Variants in DOP1B observed in about 807,000 individuals in gnomAD.
DOP1B encodes protein DOP1B.
A neutral mutation model predicts 233.5 loss-of-function variants in DOP1B; 174 were observed. That is an observed-to-expected ratio of 0.75 (90% CI 0.66 to 0.85). The LOEUF (loss-of-function observed/expected upper bound fraction) is 0.85, where lower values mean the gene tolerates loss of function less well. DOP1B is among the 40% of genes least tolerant of loss of function. The pLI, the probability that DOP1B is intolerant of heterozygous loss-of-function variation, is 0.00. For synonymous variants in DOP1B, 1,190 were observed against 1,185.6 expected, an observed-to-expected ratio of 1.00 and a Z score of -0.08; for missense variants, 2,652 against 2,846.6, an observed-to-expected ratio of 0.93 and a Z score of 1.56.
At chr21:36,284,727 A>G (rs1227298258) in intron 32 of DOP1B, among the ~76,000 whole-genome samples, 2 of 152,064 alleles carry the variant, frequency 1.3e-5, no homozygotes, top group Non-Finnish European at 2.9e-5. Context: ...ACCATGGTAG[A>G]GTTTAAACAC....
intron 2 of DOP1B, among the ~76,000 whole-genome samples, chr21:36,194,830 T>A (rs1387896952): frequency 6.6e-6 from 1 of 152,160 alleles, no homozygotes; most frequent in Non-Finnish European, 1.5e-5. Context: ...CTTGTCTCTC[T>A]TGATAAGCAG....
rs2066983151 is a variant in DOP1B, at chr21:36,247,613, C to A, written c.4794C>A (p.Ala1598=). Reference sequence around the variant, plus strand: ...GTCATTTTTGTCTTTTGGAACAAGCCAACCAAAACAAAAAGGTAAATTTTT... The same window carrying A: ...GTCATTTTTGTCTTTTGGAACAAGCAAACCAAAACAAAAAGGTAAATTTTT... The part of the protein sequence containing the change: ...TISHFCLLEQ[A]NQNKKTMAAG... Residue 1598 remains alanine (A), a synonymous_variant, in exon 20 of 37, where the codon GCC becomes GCA. Transcript: ENST00000691173. The A allele has an allele frequency of 6.3e-7, 1 of 1,583,684 alleles. No homozygotes were observed. The highest frequency in any genetic ancestry group is 8.5e-7 in the Non-Finnish European group (1 of 1,173,348).
intron 2 of DOP1B, among the ~76,000 whole-genome samples, chr21:36,165,269 T>G (rs921753662): frequency 2.0e-5 from 3 of 152,234 alleles, no homozygotes; most frequent in African/African-American, 7.2e-5. Context: ...AAGACTGTTC[T>G]TTGTATACTC....
chr21:36,267,657 G>T (rs1474546115), intron 26 of DOP1B, among the ~76,000 whole-genome samples: 2 of 133,538 alleles, frequency 1.5e-5, no homozygotes, highest in African/African-American at 5.8e-5. Context: ...ATGGAGTCTT[G>T]CTCTGTTATT....
intron 23 of DOP1B, among the ~76,000 whole-genome samples, chr21:36,256,489 G>T (rs2067099099): frequency 6.6e-6 from 1 of 152,126 alleles, no homozygotes; most frequent in South Asian, 2.1e-4. Context: ...AAAAAATATA[G>T]CTATACTTGA....
intron 21 of DOP1B, among the ~76,000 whole-genome samples, chr21:36,249,041 G>A (rs976915676): frequency 5.3e-5 from 8 of 151,810 alleles, no homozygotes; most frequent in Admixed American, 3.3e-4. Flanking sequence ...GGAGGCGGAG[G>A]TTGCAGTGAG....
chr21:36,178,534 A>T (rs2066057794), intron 2 of DOP1B, among the ~76,000 whole-genome samples: 1 of 152,036 alleles, frequency 6.6e-6, no homozygotes. Flanking sequence ...CCAGGAAGAG[A>T]GCTGAAACTG....
In DOP1B at chr21:36,227,156, C is replaced by G. The variant is rs541203265; in HGVS notation, c.1474-530C>G. On this transcript the variant is annotated intron_variant, in intron 12 of 36. Transcript: ENST00000691173. ...CTGGGAGGCAGAGCTTGCAGTGAGC[C>G]GAGATCACACCACTGCACTCCAGCC... 5.4e-3 allele frequency among the ~76,000 whole-genome samples: 806 copies of G among 148,634 alleles called. 31 individuals are homozygous for G. The East Asian group carries it at 0.093, about 17-fold the overall frequency.
Position 36,237,540 on chromosome 21 carries a change from A to G in DOP1B, c.2775+126A>G, listed in dbSNP as rs1405423634. Reference sequence around the variant, plus strand: ...CTGAGTGGACATCGTGATTAATAAAATAAGCAGAGGTGTTCTAGGATTTCA... The same window carrying G: ...CTGAGTGGACATCGTGATTAATAAAGTAAGCAGAGGTGTTCTAGGATTTCA... On this transcript the variant is annotated intron_variant, in intron 16 of 36. Transcript: ENST00000691173. The G allele has an allele frequency of 2.4e-6, 3 of 1,245,882 alleles. No individual in the cohort carries two copies. The East Asian group carries it at 7.6e-5, about 32-fold the overall frequency. The allele number at this position is 1,245,882 out of a possible 1,614,324, so 77.2% of individuals were successfully genotyped here. A position where few individuals can be genotyped will look rare whatever the true frequency, so the allele number is the denominator to read the frequency against.
chr21:36,196,073 A>C (rs955438916), intron 2 of DOP1B, among the ~76,000 whole-genome samples: 2 of 152,268 alleles, frequency 1.3e-5, no homozygotes, highest in African/African-American at 4.8e-5. Context: ...TGCTGTGTGC[A>C]CAGACTGAGG....
intron 7 of DOP1B, 78 bp downstream of exon 7, chr21:36,212,175 G>C (rs1037483791): frequency 1.3e-5 from 19 of 1,451,694 alleles, no homozygotes; most frequent in Non-Finnish European, 1.7e-5. Context: ...ATAAGATTTG[G>C]TCTTGGTGAT....
intron 2 of DOP1B, among the ~76,000 whole-genome samples, chr21:36,174,436 C>T (rs1035191680): frequency 6.6e-6 from 1 of 152,120 alleles, no homozygotes; most frequent in African/African-American, 2.4e-5. Context: ...TGCAGTGAGC[C>T]GAGATTGCAC....
intron 32 of DOP1B, among the ~76,000 whole-genome samples, chr21:36,283,534 A>T (rs560334880): frequency 5.9e-5 from 9 of 152,316 alleles, no homozygotes; most frequent in Admixed American, 5.9e-4. Flanking sequence ...TATCTTGAAC[A>T]CTTAAGAAAC....
chr21:36,245,638 G>A lies in DOP1B; in HGVS notation c.3658G>A (p.Ala1220Thr). ...LLKQQRERQE[A>T]VEALFKHILL... The stretch of plus-strand genomic sequence containing the variant: ...AAAGCAGCAGCGGGAAAGGCAGGAG[G>A]CCGTCGAGGCCTTGTTCAAGCACAT... The change falls in exon 19 of 37, where the codon GCC becomes ACC. Residue 1220 changes from alanine to threonine, a missense_variant. By Grantham distance (58) the Ala-to-Thr change is moderately conservative. Coordinates refer to ENST00000691173, the MANE Select transcript of DOP1B (RefSeq NM_001320714.2). The surrounding 1 kb of genome is among the most constrained non-coding windows in gnomAD (Gnocchi z 5.5). 6.2e-7 allele frequency: 1 copy of A among 1,613,422 alleles called. No individual in the cohort carries two copies. Among genetic ancestry groups the A allele is most frequent in the Non-Finnish European group, 8.5e-7 (1 of 1,179,964 alleles).
Position 36,230,567 on chromosome 21 carries a change from G to A in DOP1B, c.1783G>A (p.Ala595Thr), listed in dbSNP as rs768563632. Residue 595 changes from alanine (A) to threonine (T), a missense_variant, in exon 14 of 37, where the codon GCC becomes ACC. By Grantham distance (58) the Ala-to-Thr change is moderately conservative. Around this residue, in one of 3 missense-constraint regions of DOP1B, gnomAD observed 2,617 missense variants for 2,794.3 expected, o/e 0.94. Transcript: ENST00000691173. ...KSEDSGIGLS[A>T]SSPELSEHLR... The stretch of plus-strand genomic sequence containing the variant: ...TGAGGACAGTGGGATCGGGCTCAGT[G>A]CCTCGTCACCGGAGCTCTCTGAGCA... 5 of 1,614,214 alleles carry A rather than the reference G, an allele frequency of 3.1e-6. No homozygotes were observed. In the Admixed American group the frequency reaches 8.3e-5, roughly 27 times the overall value.
intron 2 of DOP1B, among the ~76,000 whole-genome samples, chr21:36,189,430 G>A (rs965079709): frequency 6.6e-5 from 10 of 152,148 alleles, no homozygotes; most frequent in Non-Finnish European, 1.3e-4. Flanking sequence ...AATTTTTTTA[G>A]CACTTTAAAA....
At chr21:36,290,524 C>T (rs1331728548) in intron 35 of DOP1B, among the ~76,000 whole-genome samples, 3 of 150,890 alleles carry the variant, frequency 2.0e-5, no homozygotes, top group Admixed American at 1.3e-4. Context: ...TTAGGCCAGG[C>T]GCGATGGCTC....
In DOP1B at chr21:36,289,171, T is replaced by C; in HGVS notation, c.6480T>C (p.Leu2160=). The C allele has an allele frequency of 6.2e-7, 1 of 1,614,036 alleles. No homozygotes were observed. The highest frequency in any genetic ancestry group is 1.1e-5 in the South Asian group (1 of 91,022). The change falls in exon 35 of 37, where the codon CTT becomes CTC. Residue 2160 remains leucine (L), a synonymous_variant. Transcript: ENST00000691173. ...LSACKFLDTA[L]SFPPDKMPLF... ...CTTGCAAATTCTTGGACACAGCGCT[T>C]TCTTTTCCACCTGACAAGATGCCAT...
chr21:36,230,029 G>T (rs891654077), intron 13 of DOP1B, among the ~76,000 whole-genome samples: 5 of 151,228 alleles, frequency 3.3e-5, no homozygotes, highest in African/African-American at 1.2e-4. Context: ...TTGTTAATTT[G>T]TCGGAAACAG....
Sources: allele counts gnomAD v4.1 joint callset (sites outside exome capture counted in the v4.1 genomes callset), GRCh38; gene constraint gnomAD v4.1.1; regional missense constraint gnomAD v4.1.1; non-coding constraint Gnocchi (gnomAD v3.1); transcripts MANE v1.5; gene names NCBI Gene and HGNC (gene_info 2026-07-23, HGNC 2026-07-21).